TBC1D2: variants seen among roughly 807,000 people sequenced by gnomAD.
The protein encoded by TBC1D2 is TBC1 domain family member 2A.
In TBC1D2, 58 loss-of-function variants were observed where a neutral mutation model predicts 91.1. That is an observed-to-expected ratio of 0.64 (90% confidence interval 0.52 to 0.79). The LOEUF (loss-of-function observed/expected upper bound fraction) is 0.79, where lower values mean the gene tolerates loss of function less well. Among genes scored for constraint, TBC1D2 ranks in the 30% least tolerant of loss-of-function variants. TBC1D2 has a pLI of 0.00. For missense variants in TBC1D2, 1,080 were observed against 1,208.3 expected (o/e 0.89, Z 1.57); for synonymous variants, 482 against 511.5 (o/e 0.94, Z 0.78).
intron 9 of TBC1D2, among the ~76,000 whole-genome samples, chr9:98,203,649 C>A (rs1379455664): frequency 6.6e-6 from 1 of 152,120 alleles, no homozygotes; most frequent in East Asian, 1.9e-4. Context: ...GCTCTGAAAT[C>A]AGGCTGCTTG....
At chr9:98,221,625 G>A (rs1040981112) in intron 5 of TBC1D2, among the ~76,000 whole-genome samples, 1 of 152,204 alleles carries the variant, frequency 6.6e-6, no homozygotes, top group Admixed American at 6.5e-5. Flanking sequence ...ACAGCAGAAG[G>A]TACATGTTGA....
In TBC1D2 at chr9:98,214,610, G is replaced by A. The variant is rs189729964; in HGVS notation, c.1375-1392C>T. 2.7e-4 allele frequency among the ~76,000 whole-genome samples: 41 copies of A among 151,934 alleles called. 1 individual carries two copies. Among genetic ancestry groups the A allele is most frequent in the Admixed American group, 2.1e-3 (32 of 15,266 alleles). On this transcript the variant is annotated intron_variant, in intron 6 of 12. Transcript: ENST00000465784. ...ATGCTGCAGCAAGGATGACTCCGAC[G>A]TGGCCAGATTGATTTGGAAATGAAG...
At chr9:98,219,868 C>G (rs1829053050) in intron 6 of TBC1D2, among the ~76,000 whole-genome samples, 1 of 152,164 alleles carries the variant, frequency 6.6e-6, no homozygotes. Context: ...GCAGGACGAA[C>G]TCTGGTTGTA....
At chr9:98,248,572 C>A (rs1215324746) in intron 2 of TBC1D2, among the ~76,000 whole-genome samples, 2 of 152,222 alleles carry the variant, frequency 1.3e-5, no homozygotes. Flanking sequence ...TATGAGTCTG[C>A]AGCCTAGGGT....
In TBC1D2 at chr9:98,221,038, G is replaced by A. The variant is rs907466596; in HGVS notation, c.1169C>T (p.Ala390Val). The part of the protein sequence containing the change: ...EQERESLAHT[A>V]SLREQQVQEL... ...CTGCACCTGCTGCTCCCGCAGGCTC[G>A]CTGTGTGCGCCAGGCTCTCCCGCTC... Residue 390 changes from alanine to valine, a missense_variant, in exon 6 of 13, where the codon GCG becomes GTG. Ala to Val is a moderately conservative substitution (Grantham distance 64). Transcript: ENST00000465784. 1.8e-5 allele frequency: 29 copies of A among 1,613,358 alleles called. No homozygotes were observed. The highest frequency in any genetic ancestry group is 2.4e-5 in the Non-Finnish European group (28 of 1,179,926).
intron 9 of TBC1D2, among the ~76,000 whole-genome samples, chr9:98,204,793 A>G (rs1242073307): frequency 1.3e-5 from 2 of 152,038 alleles, no homozygotes; most frequent in African/African-American, 4.8e-5. Context: ...CCGTTCTCTC[A>G]GAGCTGGTGG....
At position 98,220,629 on chromosome 9, in the gene TBC1D2, C is replaced by G. The variant is rs548051828; in HGVS notation, c.1374+204G>C. ...GTTAATGGGTCAATCAAGGCCCAGGCAAACTGCACTGGGCCTTGTGGTAAA... is the reference window on the plus strand; with the variant it reads ...GTTAATGGGTCAATCAAGGCCCAGGGAAACTGCACTGGGCCTTGTGGTAAA... On this transcript the variant is annotated intron_variant, in intron 6 of 12. Transcript: ENST00000465784. 3.3e-5 allele frequency among the ~76,000 whole-genome samples: 5 copies of G among 152,274 alleles called. 1 individual carries two copies. In the East Asian group the frequency reaches 9.7e-4, roughly 29 times the overall value.
At chr9:98,253,642 T>C (rs998028748) in intron 1 of TBC1D2, among the ~76,000 whole-genome samples, 4 of 152,184 alleles carry the variant, frequency 2.6e-5, no homozygotes, top group African/African-American at 9.7e-5. Flanking sequence ...TCTCTTGGCC[T>C]GGAATACCTT....
intron 3 of TBC1D2, among the ~76,000 whole-genome samples, chr9:98,238,226 T>C (rs10818646): frequency 0.3 from 41,130 of 136,138 alleles, 9,689 homozygotes; most frequent in African/African-American, 0.39. Flanking sequence ...GTCTTTTGAT[T>C]CATGAACATG....
rs1255510444 is a variant in TBC1D2, at chr9:98,208,665, T to C, written c.2150+3A>G. 1.3e-6 allele frequency: 2 copies of C among 1,517,582 alleles called. No homozygotes were observed. Among genetic ancestry groups the C allele is most frequent in the Non-Finnish European group, 1.8e-6 (2 of 1,131,718 alleles). The allele number at this position is 1,517,582 out of a possible 1,614,324, so 94.0% of individuals were successfully genotyped here. A position where few individuals can be genotyped will look rare whatever the true frequency, so the allele number is the denominator to read the frequency against. On this transcript the variant is annotated splice_donor_region_variant and intron_variant, in intron 9 of 12. Coordinates refer to ENST00000465784, the MANE Select transcript of TBC1D2 (RefSeq NM_001267571.2). ...ACACCTTCACTGGGCTTTGGTGGCTTACCTGTTCAGGCCCTGGCAGTAGCC... is the reference window on the plus strand; with the variant it reads ...ACACCTTCACTGGGCTTTGGTGGCTCACCTGTTCAGGCCCTGGCAGTAGCC...
chr9:98,201,902 G>A (rs569519841), intron 10 of TBC1D2, among the ~76,000 whole-genome samples: 272 of 152,262 alleles, frequency 1.8e-3, no homozygotes, highest in African/African-American at 6.4e-3. Context: ...TGGGGCACTG[G>A]GCTCTGCAGT....
chr9:98,251,979 G>A, intron 1 of TBC1D2, 53 bp from the exon 2 acceptor site: 2 of 1,557,534 alleles, frequency 1.3e-6, no homozygotes, highest in African/African-American at 1.4e-5. Context: ...GGGTGGCACT[G>A]GGTGCAGGAA....
At chr9:98,220,637 A>T (rs1829071380) in intron 6 of TBC1D2, among the ~76,000 whole-genome samples, 196 bp downstream of exon 6, 1 of 152,184 alleles carries the variant, frequency 6.6e-6, no homozygotes, top group South Asian at 2.1e-4. Flanking sequence ...GGCAAACTGC[A>T]CTGGGCCTTG....
intron 2 of TBC1D2, among the ~76,000 whole-genome samples, chr9:98,250,186 G>T (rs1310847368): frequency 1.3e-5 from 2 of 152,152 alleles, no homozygotes; most frequent in Admixed American, 6.5e-5. Context: ...GCAAGAATTT[G>T]CCAGGCAAAG....
chr9:98,230,114 CCTGA>C (rs1352783168), intron 4 of TBC1D2, among the ~76,000 whole-genome samples: 5 of 152,182 alleles, frequency 3.3e-5, no homozygotes, highest in African/African-American at 1.2e-4. Flanking sequence ...CATTTAAGGG[CCTGA>C]CTATGTAGCC....
rs200138856 is a variant in TBC1D2, at chr9:98,209,139, T to C, written c.1679A>G (p.Tyr560Cys). Residue 560 changes from tyrosine (Y) to cysteine (C), a missense_variant, in exon 9 of 13, where the codon TAT becomes TGT. Transcript: ENST00000465784. ...CACCGTCAGGAAGCCGTACTCATCA[T>C]ACTTACTGCCAGCAAAAGTGCACGT... Reference protein sequence around the residue: ...DSIELSPISKYDEYGFLTVPD... With the variant: ...DSIELSPISKCDEYGFLTVPD... 2.5e-6 allele frequency: 4 copies of C among 1,607,092 alleles called. No individual in the cohort carries two copies. Among genetic ancestry groups the C allele is most frequent in the African/African-American group, 2.7e-5 (2 of 74,926 alleles).
intron 3 of TBC1D2, among the ~76,000 whole-genome samples, chr9:98,234,404 C>G (rs1829451425): frequency 6.6e-6 from 1 of 152,108 alleles, no homozygotes; most frequent in South Asian, 2.1e-4. Flanking sequence ...AGTTTATTTT[C>G]CCTTGCAAAG....
rs146998028 is a variant in TBC1D2, at chr9:98,226,987, T to C, written c.978+1965A>G. On this transcript the variant is annotated intron_variant, in intron 5 of 12. Coordinates refer to ENST00000465784, the MANE Select transcript of TBC1D2 (RefSeq NM_001267571.2). ...CTACTTCATCTGACAATTTGTAATG[T>C]CTTAGAAAGAAAGGCTGTGTCAAGA... is the stretch of plus-strand genomic sequence containing the variant. Among the ~76,000 whole-genome samples the C allele has an allele frequency of 8.5e-5, 13 of 152,338 alleles. No homozygotes were observed. In the East Asian group the frequency reaches 1.9e-3, roughly 23 times the overall value.
At chr9:98,235,254 T>C (rs1307259515) in intron 3 of TBC1D2, 7 of 312,192 alleles carry the variant, frequency 2.2e-5, no homozygotes, top group Non-Finnish European at 3.8e-5. Flanking sequence ...TTTCGGAGCA[T>C]GTAGGAACTA....
Sources: allele counts gnomAD v4.1 joint callset (sites outside exome capture counted in the v4.1 genomes callset), GRCh38; gene constraint gnomAD v4.1.1; transcripts MANE v1.5; gene names NCBI Gene and HGNC (gene_info 2026-07-23, HGNC 2026-07-21).